AGPAT4: variants seen among roughly 807,000 people sequenced by gnomAD.
AGPAT4 encodes the protein 1-acylglycerol-3-phosphate O-acyltransferase 4, also known as 1-acyl-sn-glycerol-3-phosphate acyltransferase delta.
A neutral mutation model predicts 48.0 loss-of-function variants in AGPAT4; 15 were observed. The observed-to-expected ratio is 0.31, with a 90% CI of 0.21 to 0.48. AGPAT4 has a LOEUF of 0.48. AGPAT4 is among the 20% of genes least tolerant of loss of function. The pLI, the probability that AGPAT4 is intolerant of heterozygous loss-of-function variation, is 0.99. For missense variants in AGPAT4, 314 were observed against 482.5 expected (o/e 0.65, Z 3.27); for synonymous variants, 178 against 198.7 (o/e 0.90, Z 0.88).
chr6:161,223,972 T>C lies in AGPAT4; in HGVS notation c.178+8064A>G, dbSNP rs1197806291. On this transcript the variant is annotated intron_variant, in intron 2 of 8. Transcript: ENST00000320285. This position sits in a 1 kb window ranked among gnomAD's most constrained non-coding sequence, Gnocchi z 6.3. ...AAAAAGGCAGAATCAGGAAGTGTTG[T>C]TCCTCTTAGCCTGCACGGATCGTGA... 1.3e-5 allele frequency among the ~76,000 whole-genome samples: 2 copies of C among 152,258 alleles called. No individual in the cohort carries two copies. The highest frequency in any genetic ancestry group is 2.9e-5 in the Non-Finnish European group (2 of 68,054).
In AGPAT4 at chr6:161,196,591, T is replaced by C. The variant is rs1344805743; in HGVS notation, c.179-30174A>G. Among the ~76,000 whole-genome samples the C allele has an allele frequency of 6.6e-6, 1 of 151,980 alleles. No homozygotes were observed. The highest frequency in any genetic ancestry group is 1.5e-5 in the Non-Finnish European group (1 of 67,980). On this transcript the variant is annotated intron_variant, in intron 2 of 8. Coordinates refer to ENST00000320285, the MANE Select transcript of AGPAT4 (RefSeq NM_020133.3). The surrounding 1 kb of genome is among the most constrained non-coding windows in gnomAD (Gnocchi z 4.3). ...GGGAGGCCGAGTCAGGCGGATCACTTGAGGTCAAGAGTTCGAGACCAGCCT... is the reference window on the plus strand; with the variant it reads ...GGGAGGCCGAGTCAGGCGGATCACTCGAGGTCAAGAGTTCGAGACCAGCCT...
At chr6:161,269,582 T>C (rs1024184227) in intron 1 of AGPAT4, among the ~76,000 whole-genome samples, 2 of 152,026 alleles carry the variant, frequency 1.3e-5, no homozygotes, top group Non-Finnish European at 2.9e-5. Context: ...GAGTTAGAGG[T>C]TGCAGTGAGC....
At chr6:161,260,651 G>C (rs1202893917) in intron 1 of AGPAT4, among the ~76,000 whole-genome samples, 1 of 75,814 alleles carries the variant, frequency 1.3e-5, no homozygotes, top group Non-Finnish European at 2.3e-5. Flanking sequence ...AGGAGACTAC[G>C]TCTCAAAAAA....
rs1243297385 is a variant in AGPAT4 at position 161,132,856 on chromosome 6, C to T, written c.*3684G>A. ...CTCTGGGGGAAGGAAGCAGTGGCCT[C>T]CTGGTCAGCTACAGACACAGGCGGG... is the stretch of plus-strand genomic sequence containing the variant. On this transcript the variant is annotated 3_prime_UTR_variant, in exon 9 of 9. Transcript: ENST00000320285. 1.3e-5 allele frequency: 2 copies of T among 152,258 alleles called. No individual in the cohort carries two copies. The highest frequency in any genetic ancestry group is 6.5e-5 in the Admixed American group (1 of 15,284). 9.4% of individuals were successfully genotyped at this position (152,258 alleles called of 1,614,324 possible). A position where few individuals can be genotyped will look rare whatever the true frequency, so the allele number is the denominator to read the frequency against.
chr6:161,185,037 G>A (rs554239858), intron 2 of AGPAT4, among the ~76,000 whole-genome samples: 2 of 151,920 alleles, frequency 1.3e-5, no homozygotes, highest in East Asian at 3.9e-4. Flanking sequence ...AAGAGGTTGG[G>A]TGGAGCGGGG....
chr6:161,261,576 A>C lies in AGPAT4; in HGVS notation c.-90+12362T>G, dbSNP rs1783100988. 6.6e-6 allele frequency among the ~76,000 whole-genome samples: 1 copy of C among 152,170 alleles called. No individual in the cohort carries two copies. The highest frequency in any genetic ancestry group is 2.4e-5 in the African/African-American group (1 of 41,436). On this transcript the variant is annotated intron_variant, in intron 1 of 8. Coordinates refer to ENST00000320285, the MANE Select transcript of AGPAT4 (RefSeq NM_020133.3). This position sits in a 1 kb window ranked among gnomAD's most constrained non-coding sequence, Gnocchi z 5.3. The stretch of plus-strand genomic sequence containing the variant: ...AGAGGGACGTAGCTGCTACCCTGAG[A>C]CCGGGTAAGGCATCATCATTAACAA...
rs1397080022 is a variant in AGPAT4 at position 161,254,696 on chromosome 6, A to G, written c.-90+19242T>C. Among the ~76,000 whole-genome samples the G allele has an allele frequency of 6.6e-6, 1 of 152,174 alleles. No individual in the cohort carries two copies. Among genetic ancestry groups the G allele is most frequent in the Non-Finnish European group, 1.5e-5 (1 of 68,040 alleles). On this transcript the variant is annotated intron_variant, in intron 1 of 8. Transcript: ENST00000320285. The surrounding 1 kb of genome is among the most constrained non-coding windows in gnomAD (Gnocchi z 5.9). ...GCAGCATGGGTTAGCAAATCCTTAG[A>G]TTTACTGAGGCTACTTACAACTTCT...
Position 161,155,171 on chromosome 6 carries a change from G to T in AGPAT4, c.349-861C>A, listed in dbSNP as rs1365905640. 6.6e-6 allele frequency among the ~76,000 whole-genome samples: 1 copy of T among 152,208 alleles called. No homozygotes were observed. The highest frequency in any genetic ancestry group is 1.5e-5 in the Non-Finnish European group (1 of 68,028). ...TCCTGGGTCCCCAGGGCTCGGTGTG[G>T]CCCTCCCCAGCCAGGCGTCCACTAC... On this transcript the variant is annotated intron_variant, in intron 3 of 8. Transcript: ENST00000320285. The surrounding 1 kb of genome is among the most constrained non-coding windows in gnomAD (Gnocchi z 5.8).
Position 161,217,479 on chromosome 6 carries a change from C to CT in AGPAT4, c.178+14556dup, listed in dbSNP as rs1409024031. 4.6e-5 allele frequency among the ~76,000 whole-genome samples: 7 copies of CT among 152,198 alleles called. No individual in the cohort carries two copies. The highest frequency in any genetic ancestry group is 1.7e-4 in the African/African-American group (7 of 41,462). On this transcript the variant is annotated intron_variant, in intron 2 of 8. Transcript: ENST00000320285. This position sits in a 1 kb window ranked among gnomAD's most constrained non-coding sequence, Gnocchi z 4.9. ...GCGATATCCAAGCCCAAAAGACATG[C>CT]TTCTCCCTGTGTGTCCCTGGGGGAG...
rs73015431 is a variant in AGPAT4 at position 161,144,609 on chromosome 6, G to T, written c.843+1915C>A. Among the ~76,000 whole-genome samples the T allele has an allele frequency of 0.024, 3,719 of 152,290 alleles. 354 individuals carry two copies. The highest frequency in any genetic ancestry group is 0.19 in the Admixed American group (2,921 of 15,290). On this transcript the variant is annotated intron_variant, in intron 7 of 8. Coordinates refer to ENST00000320285, the MANE Select transcript of AGPAT4 (RefSeq NM_020133.3). The surrounding 1 kb of genome is among the most constrained non-coding windows in gnomAD (Gnocchi z 6.6). ...GGCTTGAGGGCCCACGTTTATTGTA[G>T]ATTTGTTTGTGTGGCTCTTTACAAA...
At chr6:161,194,524 GTC>G (rs1008472233) in intron 2 of AGPAT4, among the ~76,000 whole-genome samples, 2 of 151,552 alleles carry the variant, frequency 1.3e-5, no homozygotes, top group Non-Finnish European at 2.9e-5. Context: ...ATATGTGTGT[GTC>G]TGTGTGTCTA....
chr6:161,272,034 T>C lies in AGPAT4; in HGVS notation c.-90+1904A>G, dbSNP rs1783439762. On this transcript the variant is annotated intron_variant, in intron 1 of 8. Transcript: ENST00000320285. This position sits in a 1 kb window ranked among gnomAD's most constrained non-coding sequence, Gnocchi z 4.2. The stretch of plus-strand genomic sequence containing the variant: ...TTCTTTTTAGTAATACTTTTCTGTG[T>C]GTTATGCCCTTTAAATAGTTCTCGT... Among the ~76,000 whole-genome samples, 1 of 152,246 alleles carries C rather than the reference T, an allele frequency of 6.6e-6. No individual in the cohort carries two copies. Among genetic ancestry groups the C allele is most frequent in the Admixed American group, 6.5e-5 (1 of 15,286 alleles).
chr6:161,191,546 C>T (rs1234229196), intron 2 of AGPAT4, among the ~76,000 whole-genome samples: 2 of 152,180 alleles, frequency 1.3e-5, no homozygotes, highest in Non-Finnish European at 2.9e-5. Context: ...CTGTCCACTT[C>T]CAGCAGCTCT....
chr6:161,131,321 G>A lies in AGPAT4; in HGVS notation c.*5219C>T, dbSNP rs1471719181. On this transcript the variant is annotated 3_prime_UTR_variant, in exon 9 of 9. Coordinates refer to ENST00000320285, the MANE Select transcript of AGPAT4 (RefSeq NM_020133.3). ...ATATTAAACTAGGATGAGGCTGCAG[G>A]AGCTGAGGAAGGAAGGCCTGGGTGG... The A allele has an allele frequency of 1.9e-5, 3 of 155,264 alleles. No individual in the cohort carries two copies. The highest frequency in any genetic ancestry group is 4.3e-5 in the Non-Finnish European group (3 of 69,790). 9.6% of individuals were successfully genotyped at this position (155,264 alleles called of 1,614,324 possible).
intron 1 of AGPAT4, among the ~76,000 whole-genome samples, chr6:161,237,013 CAA>C (rs1163784386): frequency 6.6e-6 from 1 of 152,156 alleles, no homozygotes; most frequent in East Asian, 1.9e-4. Flanking sequence ...CGCGGAAACA[CAA>C]AGACATTTTT....
chr6:161,178,419 G>A lies in AGPAT4; in HGVS notation c.179-12002C>T, dbSNP rs894454350. Among the ~76,000 whole-genome samples the A allele has an allele frequency of 3.9e-5, 6 of 152,204 alleles. No individual in the cohort carries two copies. Among genetic ancestry groups the A allele is most frequent in the Non-Finnish European group, 7.3e-5 (5 of 68,038 alleles). On this transcript the variant is annotated intron_variant, in intron 2 of 8. Coordinates refer to ENST00000320285, the MANE Select transcript of AGPAT4 (RefSeq NM_020133.3). This position sits in a 1 kb window ranked among gnomAD's most constrained non-coding sequence, Gnocchi z 5.1. The stretch of plus-strand genomic sequence containing the variant: ...AATGAGCAAGGCTCCGTGGGCGTCG[G>A]ACCCTCTGAGCCAGACACGGGATAT...
intron 1 of AGPAT4, among the ~76,000 whole-genome samples, chr6:161,257,451 G>A (rs1312583917): frequency 6.6e-6 from 1 of 152,212 alleles, no homozygotes; most frequent in Non-Finnish European, 1.5e-5. Context: ...CTGTGGGCAT[G>A]AGGAGACTTT....
Position 161,267,426 on chromosome 6 carries a change from GC to G in AGPAT4, c.-90+6511del, listed in dbSNP as rs1301880921. On this transcript the variant is annotated intron_variant, in intron 1 of 8. Transcript: ENST00000320285. This position sits in a 1 kb window ranked among gnomAD's most constrained non-coding sequence, Gnocchi z 5.2. ...TTTGTTCATTATTTGAAAAATATTAGCTGGGGAACGGGCGCAGTGGCTCACA... is the reference window on the plus strand; with the variant it reads ...TTTGTTCATTATTTGAAAAATATTAGTGGGGAACGGGCGCAGTGGCTCACA... 6.6e-6 allele frequency among the ~76,000 whole-genome samples: 1 copy of G among 152,122 alleles called. No homozygotes were observed. The highest frequency in any genetic ancestry group is 2.4e-5 in the African/African-American group (1 of 41,426).
rs1015155722 is a variant in AGPAT4 at position 161,133,385 on chromosome 6, G to A, written c.*3155C>T. ...AAAGCTTTGCATGCATTTGTTTAGAGGATATTGCAGTCGAGATATTCCAGT... is the reference window on the plus strand; with the variant it reads ...AAAGCTTTGCATGCATTTGTTTAGAAGATATTGCAGTCGAGATATTCCAGT... On this transcript the variant is annotated 3_prime_UTR_variant, in exon 9 of 9. Coordinates refer to ENST00000320285, the MANE Select transcript of AGPAT4 (RefSeq NM_020133.3). The A allele has an allele frequency of 1.3e-5, 2 of 152,156 alleles. No individual in the cohort carries two copies. Among genetic ancestry groups the A allele is most frequent in the African/African-American group, 4.8e-5 (2 of 41,422 alleles). The allele number at this position is 152,156 out of a possible 1,614,324, so 9.4% of individuals were successfully genotyped here.
Sources: gnomAD v4.1 joint callset for allele counts (sites outside exome capture counted in the v4.1 genomes callset) on GRCh38, gnomAD v4.1.1 for gene constraint, Gnocchi (gnomAD v3.1) non-coding constraint, MANE v1.5 for transcripts, NCBI Gene and HGNC (gene_info 2026-07-23, HGNC 2026-07-21) for gene names.